Variants in SNTG1 observed in about 807,000 individuals in gnomAD.
SNTG1 encodes the protein gamma-1-syntrophin.
Under a neutral mutation model 74.7 loss-of-function variants are expected in SNTG1, and 39 were observed. The ratio of observed to expected loss-of-function variants is 0.52; its 90% CI spans 0.40 to 0.68. The LOEUF (loss-of-function observed/expected upper bound fraction) is 0.68, where lower values mean the gene tolerates loss of function less well. Among genes scored for constraint, SNTG1 ranks in the 30% least tolerant of loss-of-function variants. The pLI, the probability that SNTG1 is intolerant of heterozygous loss-of-function variation, is 0.00. For synonymous variants in SNTG1, 254 were observed against 217.1 expected (o/e 1.17, Z -1.49); for missense variants, 685 against 609.5 (o/e 1.12, Z -1.30).
At chr8:50,264,670 A>G (rs1156823606) in intron 2 of SNTG1, among the ~76,000 whole-genome samples, 1 of 151,892 alleles carries the variant, frequency 6.6e-6, no homozygotes, top group Non-Finnish European at 1.5e-5. Context: ...ACATAAAAAT[A>G]TAGAAGAGAA....
intron 15 of SNTG1, among the ~76,000 whole-genome samples, chr8:50,681,135 T>G (rs2095329235): frequency 6.6e-6 from 1 of 152,152 alleles, no homozygotes; most frequent in African/African-American, 2.4e-5. Context: ...ACATTAAAAT[T>G]TTATCAAATT....
chr8:50,764,244 TAGC>T (rs1243751496), intron 18 of SNTG1, among the ~76,000 whole-genome samples: 2 of 151,842 alleles, frequency 1.3e-5, no homozygotes, highest in South Asian at 2.1e-4. Flanking sequence ...CAGGCAACAA[TAGC>T]AACAACAACA....
intron 13 of SNTG1, among the ~76,000 whole-genome samples, chr8:50,610,652 T>C (rs1237487500): frequency 6.6e-6 from 1 of 152,188 alleles, no homozygotes; most frequent in Non-Finnish European, 1.5e-5. Flanking sequence ...TCCTATTTGA[T>C]TCCATGCCAT....
chr8:50,182,586 G>C (rs936411130), intron 2 of SNTG1, among the ~76,000 whole-genome samples: 4 of 151,980 alleles, frequency 2.6e-5, no homozygotes, highest in African/African-American at 7.2e-5. Flanking sequence ...TTTGCAACAG[G>C]AAGCATTTTT....
intron 1 of SNTG1, among the ~76,000 whole-genome samples, chr8:49,957,927 G>A (rs1810326685): frequency 1.3e-5 from 2 of 152,158 alleles, no homozygotes; most frequent in Middle Eastern, 6.8e-3. Context: ...GAGTGAGATT[G>A]CATCTTAAAA....
chr8:50,630,238 A>G (rs890126893), intron 13 of SNTG1, among the ~76,000 whole-genome samples: 1 of 152,182 alleles, frequency 6.6e-6, no homozygotes, highest in Non-Finnish European at 1.5e-5. Flanking sequence ...AAGAAAGAAT[A>G]TCATGCATTT....
At chr8:50,501,627 T>C (rs962258011) in intron 8 of SNTG1, among the ~76,000 whole-genome samples, 1 of 150,648 alleles carries the variant, frequency 6.6e-6, no homozygotes, top group African/African-American at 2.4e-5. Context: ...TTTTTTTTTT[T>C]TTGTATTTTT....
intron 1 of SNTG1, among the ~76,000 whole-genome samples, chr8:50,139,854 C>A (rs1218929540): frequency 2.6e-5 from 4 of 152,184 alleles, no homozygotes; most frequent in Admixed American, 2.0e-4. Context: ...GAGATGAGAA[C>A]ATTTGCAGAA....
At chr8:50,519,956 G>A (rs2130135094) in intron 9 of SNTG1, among the ~76,000 whole-genome samples, 1 of 152,042 alleles carries the variant, frequency 6.6e-6, no homozygotes. Context: ...ATTTCATATG[G>A]AACCAAAAAA....
intron 2 of SNTG1, among the ~76,000 whole-genome samples, chr8:50,202,072 CAG>C (rs2084008355): frequency 6.6e-6 from 1 of 152,110 alleles, no homozygotes; most frequent in Non-Finnish European, 1.5e-5. Context: ...TCCTTCTTTC[CAG>C]AGTTACTTAG....
At chr8:50,024,858 A>G (rs564767522) in intron 1 of SNTG1, among the ~76,000 whole-genome samples, 34 of 152,142 alleles carry the variant, frequency 2.2e-4, no homozygotes, top group Non-Finnish European at 3.5e-4. Flanking sequence ...CAGCACAGAT[A>G]TGCTGGACAA....
chr8:50,639,746 G>A (rs2095060972), intron 13 of SNTG1, among the ~76,000 whole-genome samples: 1 of 151,998 alleles, frequency 6.6e-6, no homozygotes, highest in South Asian at 2.1e-4. Flanking sequence ...ACTGAAATGT[G>A]TAACAATTAA....
At chr8:49,910,779 ATTGG>A (rs1805539269), upstream of SNTG1, 2 of 152,266 alleles carry the variant, frequency 1.3e-5, no homozygotes, top group Middle Eastern at 3.2e-3. Context: ...AACAACGTAA[ATTGG>A]GCTTTGCTCT....
chr8:50,209,321 C>T (rs955000562), intron 2 of SNTG1, among the ~76,000 whole-genome samples: 3 of 152,212 alleles, frequency 2.0e-5, no homozygotes. Flanking sequence ...CAAAAGGCAA[C>T]AGAAACTTCT....
At chr8:50,420,735 G>T (rs2093071147) in intron 4 of SNTG1, among the ~76,000 whole-genome samples, 2 of 151,910 alleles carry the variant, frequency 1.3e-5, no homozygotes, top group South Asian at 4.1e-4. Context: ...ACTAAAAATA[G>T]GGGAAGATAG....
At position 50,590,877 on chromosome 8, in the gene SNTG1, A is replaced by T; in HGVS notation, c.811-2A>T. ...ACTTTTATTATTTATTTATCATTGCAGATTAAAAAAATCAACAGAAACTTT... is the reference window on the plus strand; with the variant it reads ...ACTTTTATTATTTATTTATCATTGCTGATTAAAAAAATCAACAGAAACTTT... On this transcript the variant is annotated splice_acceptor_variant, in intron 12 of 18. Coordinates refer to ENST00000642720, the MANE Select transcript of SNTG1 (RefSeq NM_018967.5). LOFTEE classifies it high-confidence loss of function. 1 of 1,553,908 alleles carries T rather than the reference A, an allele frequency of 6.4e-7. No individual in the cohort carries two copies. The highest frequency in any genetic ancestry group is 8.8e-7 in the Non-Finnish European group (1 of 1,140,552).
intron 1 of SNTG1, among the ~76,000 whole-genome samples, chr8:49,936,114 G>A (rs1281977100): frequency 6.6e-6 from 1 of 152,146 alleles, no homozygotes; most frequent in Admixed American, 6.5e-5. Context: ...CAATTGTTGA[G>A]TTTCCAATAT....
chr8:50,653,856 T>C lies in SNTG1; in HGVS notation c.850-3053T>C, dbSNP rs183715586. Among the ~76,000 whole-genome samples the C allele has an allele frequency of 1.7e-3, 257 of 152,292 alleles. 1 individual carries two copies. The highest frequency in any genetic ancestry group is 5.8e-3 in the African/African-American group (242 of 41,566). On this transcript the variant is annotated intron_variant, in intron 13 of 18. Transcript: ENST00000642720. Reference sequence around the variant, plus strand: ...TGCCTCTTTCACTCTCATTCATTCATAGGTATAAAGTTAAAGTTTTCCAGA... The same window carrying C: ...TGCCTCTTTCACTCTCATTCATTCACAGGTATAAAGTTAAAGTTTTCCAGA...
At position 50,703,236 on chromosome 8, in the gene SNTG1, A is replaced by G. The variant is rs188761261; in HGVS notation, c.1039-1364A>G. Among the ~76,000 whole-genome samples, 269 of 152,326 alleles carry G rather than the reference A, an allele frequency of 1.8e-3. 2 individuals carry two copies. Among genetic ancestry groups the G allele is most frequent in the Middle Eastern group, 6.8e-3 (2 of 294 alleles). On this transcript the variant is annotated intron_variant, in intron 15 of 18. Coordinates refer to ENST00000642720, the MANE Select transcript of SNTG1 (RefSeq NM_018967.5). ...GCTTAGCTTAAAACACAAACACATT[A>G]TGTAGCTGTACAAAATTATTCTATA...
Sources: gnomAD v4.1 joint callset for allele counts (sites outside exome capture counted in the v4.1 genomes callset) on GRCh38, gnomAD v4.1.1 for gene constraint, MANE v1.5 for transcripts, NCBI Gene and HGNC (gene_info 2026-07-23, HGNC 2026-07-21) for gene names.